SHANK2: variants seen among roughly 807,000 people sequenced by gnomAD.
SHANK2 encodes SH3 and multiple ankyrin repeat domains protein 2.
Under a neutral mutation model 133.7 loss-of-function variants are expected in SHANK2, and 43 were observed. The observed-to-expected ratio is 0.32, with a 90% CI of 0.25 to 0.41. The LOEUF (loss-of-function observed/expected upper bound fraction) is 0.41, where lower values mean the gene tolerates loss of function less well. Among genes scored for constraint, SHANK2 ranks in the 10% least tolerant of loss-of-function variants. SHANK2 has a pLI of 1.00. For missense variants in SHANK2, 1,994 were observed against 2,235.8 expected (o/e 0.89, Z 2.18); for synonymous variants, 1,017 against 952.8 (o/e 1.07, Z -1.24).
chr11:70,619,235 C>A (rs947599359), intron 17 of SHANK2, among the ~76,000 whole-genome samples: 1 of 152,218 alleles, frequency 6.6e-6, no homozygotes, highest in African/African-American at 2.4e-5. Context: ...AATGTTCTTA[C>A]GTGCCAGTTC....
At chr11:71,172,241 G>A (rs541176765) in intron 2 of SHANK2, among the ~76,000 whole-genome samples, 2 of 152,292 alleles carry the variant, frequency 1.3e-5, no homozygotes, top group African/African-American at 2.4e-5. Flanking sequence ...GAGAAGGAGC[G>A]TCCAAGAAAG....
At chr11:71,151,221 G>A (rs1394259879) in intron 2 of SHANK2, among the ~76,000 whole-genome samples, 5 of 152,076 alleles carry the variant, frequency 3.3e-5, no homozygotes, top group African/African-American at 1.2e-4. Flanking sequence ...TAACTGGGGG[G>A]CCCTGTGAGT....
chr11:70,874,115 A>G (rs1412318292), intron 11 of SHANK2, among the ~76,000 whole-genome samples: 3 of 151,962 alleles, frequency 2.0e-5, no homozygotes, highest in African/African-American at 7.3e-5. Flanking sequence ...CAATCCATCT[A>G]TCTAATCTAT....
intron 10 of SHANK2, among the ~76,000 whole-genome samples, chr11:70,950,627 A>G (rs1950819827): frequency 6.7e-6 from 1 of 148,372 alleles, no homozygotes; most frequent in Non-Finnish European, 1.5e-5. Flanking sequence ...TTTTTTTCTC[A>G]GACAGGATCT....
intron 6 of SHANK2, among the ~76,000 whole-genome samples, chr11:71,107,896 C>T (rs1444136959): frequency 2.0e-5 from 3 of 152,190 alleles, no homozygotes; most frequent in African/African-American, 7.2e-5. Flanking sequence ...AGGTGCAGAG[C>T]AGCTCAGAGG....
intron 8 of SHANK2, among the ~76,000 whole-genome samples, chr11:71,079,887 GAGGGGAAGGA>G (rs1951273213): frequency 2.7e-5 from 2 of 75,110 alleles, no homozygotes; most frequent in Admixed American, 1.4e-4. Context: ...GAGGGGAGGG[GAGGGGAAGGA>G]AGGGGAGGGG....
intron 10 of SHANK2, among the ~76,000 whole-genome samples, chr11:70,939,605 A>G (rs1275698779): frequency 1.3e-5 from 2 of 152,130 alleles, no homozygotes; most frequent in African/African-American, 4.8e-5. Context: ...TCTCCATCCA[A>G]CAGCTCAACA....
At chr11:70,658,466 T>G (rs917678237) in intron 17 of SHANK2, among the ~76,000 whole-genome samples, 1 of 152,148 alleles carries the variant, frequency 6.6e-6, no homozygotes, top group Non-Finnish European at 1.5e-5. Flanking sequence ...CCCGACAGTT[T>G]CAACACACAA....
chr11:70,621,123 T>A (rs538458341), intron 17 of SHANK2, among the ~76,000 whole-genome samples: 12 of 152,192 alleles, frequency 7.9e-5, no homozygotes, highest in African/African-American at 2.9e-4. Context: ...TCGGGCAGGG[T>A]GTGATCCCGA....
intron 2 of SHANK2, among the ~76,000 whole-genome samples, chr11:71,190,471 G>C (rs1425942964): frequency 6.6e-6 from 1 of 152,168 alleles, no homozygotes. Flanking sequence ...TGGGAGAAAG[G>C]GACGTCTATA....
chr11:70,744,031 T>C (rs1239450759), intron 14 of SHANK2, among the ~76,000 whole-genome samples: 2 of 152,152 alleles, frequency 1.3e-5, no homozygotes, highest in Non-Finnish European at 2.9e-5. Flanking sequence ...CCTCCGGATC[T>C]AACTCCAGCT....
intron 10 of SHANK2, among the ~76,000 whole-genome samples, chr11:70,939,293 G>A (rs1950613435): frequency 6.6e-6 from 1 of 152,036 alleles, no homozygotes; most frequent in East Asian, 1.9e-4. Context: ...TGACCAACAT[G>A]GTGAAACCCC....
intron 11 of SHANK2, among the ~76,000 whole-genome samples, chr11:70,859,730 C>A (rs116879342): frequency 4.3e-4 from 66 of 152,274 alleles, no homozygotes; most frequent in African/African-American, 1.5e-3. Context: ...TTGACCTCCA[C>A]GAAGTGAGAA....
At chr11:70,685,597 C>T (rs1334016689) in intron 15 of SHANK2, among the ~76,000 whole-genome samples, 3 of 152,142 alleles carry the variant, frequency 2.0e-5, no homozygotes, top group African/African-American at 4.8e-5. Flanking sequence ...TGGACCCTCC[C>T]GAAGACTTGG....
chr11:71,137,476 C>A (rs185453744), intron 3 of SHANK2, among the ~76,000 whole-genome samples: 40 of 152,064 alleles, frequency 2.6e-4, no homozygotes, highest in African/African-American at 8.7e-4. Context: ...GCCCAGCCCC[C>A]CCAAAGGAGG....
chr11:70,699,203 A>C (rs1015106569), intron 14 of SHANK2, among the ~76,000 whole-genome samples: 4 of 152,164 alleles, frequency 2.6e-5, no homozygotes, highest in Non-Finnish European at 5.9e-5. Flanking sequence ...TTGGGAAAGA[A>C]AGAACATTTA....
intron 14 of SHANK2, among the ~76,000 whole-genome samples, chr11:70,745,526 T>C (rs1314112065): frequency 6.6e-6 from 1 of 152,230 alleles, no homozygotes; most frequent in Non-Finnish European, 1.5e-5. Flanking sequence ...CCCGCCCCTA[T>C]GAGTGGTCCT....
In SHANK2 at chr11:70,631,408, A is replaced by ACACACACACACACC. The variant is rs1555002113; in HGVS notation, c.2061+28419_2061+28420insGGTGTGTGTGTGTG. Among the ~76,000 whole-genome samples the ACACACACACACACC allele has an allele frequency of 3.4e-4, 51 of 148,914 alleles. No individual in the cohort carries two copies. In the East Asian group the frequency reaches 8.2e-3, roughly 24 times the overall value. ...CACACACACACACACACACACACAC[A>ACACACACACACACC]CCCACACAACCTCCCTCCCACCTGC... is the stretch of plus-strand genomic sequence containing the variant. On this transcript the variant is annotated intron_variant, in intron 17 of 25. Coordinates refer to ENST00000601538, the MANE Select transcript of SHANK2 (RefSeq NM_012309.5).
At position 70,755,754 on chromosome 11, in the gene SHANK2, C is replaced by T. The variant is rs375161526; in HGVS notation, c.1777+42689G>A. On this transcript the variant is annotated intron_variant, in intron 14 of 25. Coordinates refer to ENST00000601538, the MANE Select transcript of SHANK2 (RefSeq NM_012309.5). ...AGTGAGTCCGCTCCTACCAGGCGAG[C>T]GACAGGCCACAAGAGGGAAGACACC... Among the ~76,000 whole-genome samples the T allele has an allele frequency of 3.1e-4, 47 of 152,334 alleles. No homozygotes were observed. The East Asian group carries it at 4.3e-3, about 14-fold the overall frequency.
Sources: gnomAD v4.1 joint callset for allele counts (sites outside exome capture counted in the v4.1 genomes callset) on GRCh38, gnomAD v4.1.1 for gene constraint, MANE v1.5 for transcripts, NCBI Gene and HGNC (gene_info 2026-07-23, HGNC 2026-07-21) for gene names.